LPP: variants seen among roughly 807,000 people sequenced by gnomAD.
LPP encodes the protein LIM domain containing preferred translocation partner in lipoma.
LPP carries 38 observed loss-of-function variants against 60.4 expected under a neutral mutation model. The observed-to-expected ratio is 0.63, with a 90% CI of 0.49 to 0.83. LPP has a LOEUF of 0.83. Ranked by LOEUF, LPP falls within the 40% of genes least tolerant of loss-of-function variation. The pLI is 0.00. For missense variants in LPP, 902 were observed against 783.6 expected (o/e 1.15, Z -1.80); for synonymous variants, 328 against 290.8 (o/e 1.13, Z -1.30).
intron 9 of LPP, among the ~76,000 whole-genome samples, chr3:188,804,652 A>G (rs1172543325): frequency 6.6e-6 from 1 of 152,016 alleles, no homozygotes; most frequent in Non-Finnish European, 1.5e-5. Flanking sequence ...CTGTGAGTAG[A>G]AACAGTTTCA....
chr3:188,203,393 A>ATAT (rs576102695), intron 1 of LPP, among the ~76,000 whole-genome samples: 2,817 of 83,976 alleles, frequency 0.034, 63 homozygotes, highest in South Asian at 0.1. Context: ...TTTATATATT[A>ATAT]ATATATATTT....
intron 7 of LPP, among the ~76,000 whole-genome samples, chr3:188,643,537 G>A (rs1342190927): frequency 2.0e-5 from 3 of 152,194 alleles, no homozygotes. Context: ...AAGAAGTGAA[G>A]TATAAGTAGT....
At chr3:188,860,536 A>T (rs547786226) in intron 9 of LPP, among the ~76,000 whole-genome samples, 3 of 152,230 alleles carry the variant, frequency 2.0e-5, no homozygotes, top group African/African-American at 7.2e-5. Context: ...GGTCCTTCCG[A>T]ATCCTCCCAA....
intron 2 of LPP, among the ~76,000 whole-genome samples, chr3:188,261,840 C>T (rs1733762723): frequency 6.6e-6 from 1 of 152,058 alleles, no homozygotes. Context: ...TCGCTTGAAC[C>T]CAGGAGTTTA....
At position 188,499,671 on chromosome 3, in the gene LPP, C is replaced by T. The variant is rs575590221; in HGVS notation, c.306+14967C>T. ...ATGTCACTGGGATTTTGATCGGGAC[C>T]GCATTAAGTCTGGATATCATATTGG... is the stretch of plus-strand genomic sequence containing the variant. On this transcript the variant is annotated intron_variant, in intron 5 of 11. Transcript: ENST00000617246. Among the ~76,000 whole-genome samples, 20 of 151,994 alleles carry T rather than the reference C, an allele frequency of 1.3e-4. No individual in the cohort carries two copies. In the South Asian group the frequency reaches 3.3e-3, roughly 25 times the overall value.
intron 3 of LPP, among the ~76,000 whole-genome samples, chr3:188,360,933 G>A (rs777995541): frequency 1.4e-4 from 21 of 152,046 alleles, no homozygotes; most frequent in Non-Finnish European, 2.9e-4. Context: ...TGAGATAGCG[G>A]GTGTATAAAG....
intron 4 of LPP, among the ~76,000 whole-genome samples, chr3:188,449,057 T>C (rs1256559781): frequency 6.6e-6 from 1 of 152,196 alleles, no homozygotes; most frequent in Non-Finnish European, 1.5e-5. Context: ...TATTGTGTGG[T>C]AGGAAATCCA....
At chr3:188,248,468 TTATATATATATATATA>T (rs55811112) in intron 2 of LPP, among the ~76,000 whole-genome samples, 15 of 84,154 alleles carry the variant, frequency 1.8e-4, no homozygotes, top group East Asian at 6.0e-4. Flanking sequence ...CAGTATAACT[TTATATATATATATATA>T]TATATATATA....
At chr3:188,762,942 A>G (rs1474256710) in intron 9 of LPP, among the ~76,000 whole-genome samples, 1 of 152,220 alleles carries the variant, frequency 6.6e-6, no homozygotes, top group Non-Finnish European at 1.5e-5. Flanking sequence ...TCAAGCCCTC[A>G]GATGGATGTA....
chr3:188,263,624 A>G (rs1288450293), intron 2 of LPP, among the ~76,000 whole-genome samples: 4 of 152,234 alleles, frequency 2.6e-5, no homozygotes, highest in African/African-American at 9.6e-5. Context: ...TCATTTGTGG[A>G]ATAGGAATAG....
intron 2 of LPP, among the ~76,000 whole-genome samples, chr3:188,261,020 C>A (rs1733434340): frequency 6.6e-6 from 1 of 152,088 alleles, no homozygotes; most frequent in Non-Finnish European, 1.5e-5. Context: ...TTGCAGTGAG[C>A]TGAGATAGTG....
chr3:188,195,857 C>G (rs1295224905), intron 1 of LPP, among the ~76,000 whole-genome samples: 2 of 152,180 alleles, frequency 1.3e-5, no homozygotes, highest in African/African-American at 2.4e-5. Flanking sequence ...TTGGACAGCA[C>G]TATTCTAGCT....
intron 3 of LPP, among the ~76,000 whole-genome samples, chr3:188,399,254 G>A (rs1378385407): frequency 6.6e-6 from 1 of 152,144 alleles, no homozygotes; most frequent in African/African-American, 2.4e-5. Flanking sequence ...CAATAATGGA[G>A]AGCCGTATAG....
intron 4 of LPP, among the ~76,000 whole-genome samples, chr3:188,479,486 ACACCAGGT>A (rs2149607966): frequency 6.6e-6 from 1 of 152,338 alleles, no homozygotes; most frequent in South Asian, 2.1e-4. Context: ...CGAGTCAAAG[ACACCAGGT>A]CATTTATTAA....
At chr3:188,567,496 A>G (rs1027812144) in intron 6 of LPP, among the ~76,000 whole-genome samples, 13 of 151,142 alleles carry the variant, frequency 8.6e-5, no homozygotes, top group South Asian at 2.1e-4. Context: ...GTTAGTAGGG[A>G]AAAAAAAAGA....
At chr3:188,485,271 C>G (rs1369468738) in intron 5 of LPP, among the ~76,000 whole-genome samples, 2 of 152,122 alleles carry the variant, frequency 1.3e-5, no homozygotes, top group Non-Finnish European at 2.9e-5. Flanking sequence ...TGCAAAGTAA[C>G]TCGGGGCTGG....
At chr3:188,472,247 T>C (rs1802034003) in intron 4 of LPP, among the ~76,000 whole-genome samples, 1 of 152,218 alleles carries the variant, frequency 6.6e-6, no homozygotes, top group African/African-American at 2.4e-5. Context: ...AAGAGACTTT[T>C]AGAATGATTA....
intron 3 of LPP, among the ~76,000 whole-genome samples, chr3:188,358,563 T>C (rs1768273905): frequency 6.6e-6 from 1 of 152,198 alleles, no homozygotes; most frequent in South Asian, 2.1e-4. Flanking sequence ...TAGTTTGGCC[T>C]TGAATGAGTA....
intron 10 of LPP, 113 bp from the exon 11 acceptor site, chr3:188,872,530 C>T (rs962600679): frequency 1.3e-5 from 15 of 1,130,598 alleles, no homozygotes; most frequent in East Asian, 9.5e-5. Context: ...CCTCACCTTA[C>T]GGATGAGGAA....
Sources: gnomAD v4.1 joint callset for allele counts (sites outside exome capture counted in the v4.1 genomes callset) on GRCh38, gnomAD v4.1.1 for gene constraint, MANE v1.5 for transcripts, NCBI Gene and HGNC (gene_info 2026-07-23, HGNC 2026-07-21) for gene names.